The following MCTP1 variants were observed in gnomAD, a reference collection of about 807,000 sequenced individuals.
MCTP1 encodes multiple C2 and transmembrane domain containing 1, also known as multiple C2 and transmembrane domain-containing protein 1.
Under a neutral mutation model 120.6 loss-of-function variants are expected in MCTP1, and 69 were observed. The observed-to-expected ratio is 0.57, with a 90% CI of 0.47 to 0.70. The LOEUF is 0.70. MCTP1 is among the 30% of genes least tolerant of loss of function. MCTP1 has a pLI of 0.00. For synonymous variants in MCTP1, 529 were observed against 493.1 expected, an observed-to-expected ratio of 1.07 and a Z score of -0.96; for missense variants, 1,203 against 1,248.8, an observed-to-expected ratio of 0.96 and a Z score of 0.55.
chr5:95,073,728 T>C (rs1482650850), intron 1 of MCTP1, among the ~76,000 whole-genome samples: 1 of 152,194 alleles, frequency 6.6e-6, no homozygotes, highest in Admixed American at 6.5e-5. Flanking sequence ...TCCTGGTTGA[T>C]ACCCTGGTTG....
In MCTP1 at chr5:94,796,580, TAC is replaced by T. The variant is rs535395569; in HGVS notation, c.2556+2431_2556+2432del. ...ATGTGTGTGTGTGTGTGTATCCACATACACACACACACACACATATATATAAT... is the reference window on the plus strand; with the variant it reads ...ATGTGTGTGTGTGTGTGTATCCACATACACACACACACACATATATATAAT... On this transcript the variant is annotated intron_variant, in intron 18 of 22. Coordinates refer to ENST00000515393, the MANE Select transcript of MCTP1 (RefSeq NM_024717.7). Among the ~76,000 whole-genome samples the T allele has an allele frequency of 9.8e-3, 1,352 of 138,232 alleles. 20 individuals carry two copies. The highest frequency in any genetic ancestry group is 0.034 in the African/African-American group (1,268 of 37,296). The allele number at this position is 138,232 out of a possible 152,430, so 90.7% of individuals were successfully genotyped here. A position where few individuals can be genotyped will look rare whatever the true frequency, so the allele number is the denominator to read the frequency against.
chr5:94,971,792 G>A (rs62364691), intron 2 of MCTP1, among the ~76,000 whole-genome samples: 32 of 152,184 alleles, frequency 2.1e-4, no homozygotes, highest in African/African-American at 7.7e-4. Context: ...CTCTTATGTA[G>A]GTTAAAAATA....
chr5:94,916,089 T>G (rs1471366671), intron 8 of MCTP1, among the ~76,000 whole-genome samples: 1 of 152,188 alleles, frequency 6.6e-6, no homozygotes, highest in African/African-American at 2.4e-5. Context: ...ATAATTTTTG[T>G]TCAAAATGGT....
At chr5:94,987,530 A>G (rs561986365) in intron 2 of MCTP1, among the ~76,000 whole-genome samples, 119 of 152,302 alleles carry the variant, frequency 7.8e-4, no homozygotes, top group South Asian at 1.9e-3. Context: ...GTCAATATTT[A>G]CGGAGTTTTA....
intron 1 of MCTP1, among the ~76,000 whole-genome samples, chr5:95,021,695 G>A (rs1838221340): frequency 6.6e-6 from 1 of 151,860 alleles, no homozygotes; most frequent in Non-Finnish European, 1.5e-5. Context: ...ATTTTGGGTT[G>A]TCTGTGTATA....
intron 17 of MCTP1, chr5:94,826,386 C>T: frequency 1.6e-6 from 1 of 609,462 alleles, no homozygotes; most frequent in South Asian, 1.6e-5. Context: ...GCTTTCAGAC[C>T]TTTTGGCTCA....
At chr5:94,972,865 A>G (rs1057273182) in intron 2 of MCTP1, among the ~76,000 whole-genome samples, 2 of 152,000 alleles carry the variant, frequency 1.3e-5, no homozygotes, top group African/African-American at 4.8e-5. Context: ...AGCTTTTCCC[A>G]TAGCCTGGCC....
At chr5:94,968,697 T>C (rs760422258) in intron 2 of MCTP1, among the ~76,000 whole-genome samples, 7 of 152,158 alleles carry the variant, frequency 4.6e-5, no homozygotes, top group Non-Finnish European at 1.0e-4. Context: ...AAGATGGCAA[T>C]AGTACTTATC....
chr5:94,755,795 T>A (rs1322323777), intron 19 of MCTP1, among the ~76,000 whole-genome samples: 3 of 152,202 alleles, frequency 2.0e-5, no homozygotes, highest in African/African-American at 4.8e-5. Context: ...CCTCTGCCTC[T>A]GTAATAACTT....
chr5:95,176,999 G>C (rs1338380337), intron 1 of MCTP1, among the ~76,000 whole-genome samples: 1 of 151,534 alleles, frequency 6.6e-6, no homozygotes, highest in Non-Finnish European at 1.5e-5. Context: ...CGAGTAGCTG[G>C]GACTACAGGC....
rs370398690 is a variant in MCTP1 at position 94,909,240 on chromosome 5, A to G, written c.1652+11T>C. 2.6e-5 allele frequency: 42 copies of G among 1,611,646 alleles called. No individual in the cohort carries two copies. The Middle Eastern group carries it at 4.9e-4, about 19-fold the overall frequency. ...TCTAGGAGTGAACCAAAAATTACAA[A>G]TTGCACAAACCTGCCAATGAAATCA... On this transcript the variant is annotated intron_variant, in intron 10 of 22. Transcript: ENST00000515393.
chr5:95,103,212 C>G (rs1756866656), intron 1 of MCTP1, among the ~76,000 whole-genome samples: 1 of 151,848 alleles, frequency 6.6e-6, no homozygotes, highest in South Asian at 2.1e-4. Flanking sequence ...AAAATAAAGC[C>G]TAATCAGAAA....
At chr5:95,117,955 C>A (rs1230762376) in intron 1 of MCTP1, among the ~76,000 whole-genome samples, 5 of 152,002 alleles carry the variant, frequency 3.3e-5, no homozygotes, top group Admixed American at 1.3e-4. Flanking sequence ...TAAATGGGAG[C>A]TGAACAATGA....
chr5:94,779,718 A>C (rs1481579078), intron 18 of MCTP1, among the ~76,000 whole-genome samples: 1 of 152,198 alleles, frequency 6.6e-6, no homozygotes, highest in Non-Finnish European at 1.5e-5. Flanking sequence ...TGGATTACCC[A>C]AAACTCTCAT....
intron 1 of MCTP1, among the ~76,000 whole-genome samples, chr5:95,172,559 A>G (rs1471016593): frequency 1.3e-5 from 2 of 151,402 alleles, no homozygotes; most frequent in African/African-American, 2.4e-5. Flanking sequence ...TCACAGGCAT[A>G]GATGAATTAT....
intron 10 of MCTP1, among the ~76,000 whole-genome samples, chr5:94,903,690 G>A (rs1806095839): frequency 6.6e-6 from 1 of 152,140 alleles, no homozygotes; most frequent in South Asian, 2.1e-4. Context: ...TAGGCCCTGA[G>A]AACAATGCAA....
At chr5:94,954,323 T>C (rs1021358193) in intron 2 of MCTP1, among the ~76,000 whole-genome samples, 28 of 150,970 alleles carry the variant, frequency 1.9e-4, no homozygotes, top group Admixed American at 4.7e-4. Context: ...AAAAACTACA[T>C]GTTCTCTTTT....
chr5:95,055,250 TC>T (rs976825983), intron 1 of MCTP1, among the ~76,000 whole-genome samples: 8 of 152,334 alleles, frequency 5.3e-5, no homozygotes, highest in African/African-American at 1.9e-4. Context: ...TACTGGATCC[TC>T]CCTTTTTGTA....
At chr5:95,020,638 G>T (rs1002154043) in intron 1 of MCTP1, among the ~76,000 whole-genome samples, 1 of 151,850 alleles carries the variant, frequency 6.6e-6, no homozygotes, top group Admixed American at 6.6e-5. Flanking sequence ...AATGACTTCT[G>T]TATTTCTTAT....
Sources: gnomAD v4.1 joint callset for allele counts (sites outside exome capture counted in the v4.1 genomes callset) on GRCh38, gnomAD v4.1.1 for gene constraint, MANE v1.5 for transcripts, NCBI Gene and HGNC (gene_info 2026-07-23, HGNC 2026-07-21) for gene names.